The following RERE variants were observed in gnomAD, a reference collection of about 807,000 sequenced individuals.
The protein encoded by RERE is arginine-glutamic acid dipeptide repeats, also known as arginine-glutamic acid dipeptide repeats protein.
A neutral mutation model predicts 146.1 loss-of-function variants in RERE; 40 were observed. That is an observed-to-expected ratio of 0.27 (90% CI 0.21 to 0.36). The LOEUF (loss-of-function observed/expected upper bound fraction) is 0.36. Ranked by LOEUF, RERE falls within the 10% of genes least tolerant of loss-of-function variation. The probability of loss-of-function intolerance (pLI) is 1.00; values close to 1 mark genes in which losing one functional copy is unlikely to be tolerated. For synonymous variants in RERE, 1,003 were observed against 866.0 expected (o/e 1.16, Z -2.78); for missense variants, 1,933 against 2,138.7 (o/e 0.90, Z 1.90).
chr1:8,484,999 C>T (rs1401598536), intron 10 of RERE, among the ~76,000 whole-genome samples: 1 of 152,156 alleles, frequency 6.6e-6, no homozygotes, highest in Non-Finnish European at 1.5e-5. Context: ...CCAAAAGTAG[C>T]AAGTCATGTG....
intron 10 of RERE, among the ~76,000 whole-genome samples, chr1:8,487,102 GAACA>G (rs1266495415): frequency 1.3e-5 from 2 of 152,040 alleles, no homozygotes; most frequent in Non-Finnish European, 2.9e-5. Context: ...TTCATCCTAG[GAACA>G]AACAGTTCCT....
chr1:8,774,475 T>A (rs1165274107), intron 1 of RERE, among the ~76,000 whole-genome samples: 1 of 147,998 alleles, frequency 6.8e-6, no homozygotes, highest in Non-Finnish European at 1.5e-5. Flanking sequence ...TGCCTCAGCC[T>A]CCCTAGTAGC....
chr1:8,800,875 G>A (rs916894372), intron 1 of RERE, among the ~76,000 whole-genome samples: 6 of 152,170 alleles, frequency 3.9e-5, no homozygotes, highest in African/African-American at 1.4e-4. Context: ...TGAGGCAGGA[G>A]AACCACTTGA....
intron 10 of RERE, among the ~76,000 whole-genome samples, chr1:8,485,860 G>A (rs1395392395): frequency 2.0e-5 from 3 of 148,714 alleles, no homozygotes; most frequent in Non-Finnish European, 3.0e-5. Flanking sequence ...GTGCAGTGGC[G>A]CGATCTTGGC....
rs779964567 is a variant in RERE at position 8,358,160 on chromosome 1, G to A, written c.4339+36C>T. On this transcript the variant is annotated intron_variant, in intron 20 of 22. Coordinates refer to ENST00000400908, the MANE Select transcript of RERE (RefSeq NM_001042681.2). Reference sequence around the variant, plus strand: ...CTCATCAGGCTCTGCACCCCTCCCCGTGCCTCTGTCCCACCTGCCACGCTG... The same window carrying A: ...CTCATCAGGCTCTGCACCCCTCCCCATGCCTCTGTCCCACCTGCCACGCTG... 7.1e-6 allele frequency: 11 copies of A among 1,556,894 alleles called. No individual in the cohort carries two copies. In the Admixed American group the frequency reaches 8.7e-5, roughly 12 times the overall value.
At chr1:8,782,226 G>A (rs1273165314) in intron 1 of RERE, among the ~76,000 whole-genome samples, 1 of 151,992 alleles carries the variant, frequency 6.6e-6, no homozygotes, top group Non-Finnish European at 1.5e-5. Context: ...CTGATTTTTA[G>A]CAGATTTTTG....
At chr1:8,460,229 G>C (rs1644509137) in intron 11 of RERE, among the ~76,000 whole-genome samples, 1 of 152,114 alleles carries the variant, frequency 6.6e-6, no homozygotes, top group African/African-American at 2.4e-5. Context: ...AGCTTGAAAA[G>C]AGTGAACAAT....
chr1:8,802,673 G>GT (rs1180308756), intron 1 of RERE, among the ~76,000 whole-genome samples: 2 of 152,132 alleles, frequency 1.3e-5, no homozygotes, highest in African/African-American at 4.8e-5. Context: ...GTACTCAGTT[G>GT]TGTACATGTC....
At chr1:8,494,752 G>T (rs1024294947) in intron 10 of RERE, among the ~76,000 whole-genome samples, 2 of 152,220 alleles carry the variant, frequency 1.3e-5, no homozygotes, top group African/African-American at 2.4e-5. Flanking sequence ...CCTAGAGGTG[G>T]TTGTGAGGAT....
rs759024458 is a variant in RERE, at chr1:8,360,280, G to A, written c.3227C>T (p.Ser1076Leu). ...CGACCCCCCCGCTATGCTGCCTCCT[G>A]AAGCCGCCGCACCAGAGCAGGGTGG... is the stretch of plus-strand genomic sequence containing the variant. ...AQPPCSGAAA[S>L]GGSIAGGSSC... The change falls in exon 18 of 23, where the codon TCA (serine) becomes TTA (leucine). Residue 1076 changes from serine (S) to leucine (L), a missense_variant. Physicochemically the swap from Ser to Leu is moderately radical, Grantham distance 145. Transcript: ENST00000400908. 2.0e-5 allele frequency: 32 copies of A among 1,562,810 alleles called. No homozygotes were observed. The East Asian group carries it at 5.2e-4, about 25-fold the overall frequency.
chr1:8,692,753 T>G (rs1381709676), intron 1 of RERE, among the ~76,000 whole-genome samples: 1 of 152,224 alleles, frequency 6.6e-6, no homozygotes. Context: ...TGCCCCACAG[T>G]TGATTAAATC....
intron 12 of RERE, among the ~76,000 whole-genome samples, chr1:8,394,093 C>A (rs1642972691): frequency 6.6e-6 from 1 of 152,168 alleles, no homozygotes; most frequent in Admixed American, 6.5e-5. Flanking sequence ...GGATGGTGAC[C>A]TATACTTTGG....
intron 12 of RERE, among the ~76,000 whole-genome samples, chr1:8,416,311 C>A (rs75534994): frequency 1.3e-5 from 2 of 152,076 alleles, no homozygotes; most frequent in African/African-American, 4.8e-5. Context: ...CACGGTCAGG[C>A]GCGGTGGCTC....
At chr1:8,694,136 G>A (rs1224093185) in intron 1 of RERE, among the ~76,000 whole-genome samples, 1 of 151,446 alleles carries the variant, frequency 6.6e-6, no homozygotes, top group Non-Finnish European at 1.5e-5. Flanking sequence ...AGAGCAATCA[G>A]GCAACAGAAA....
At chr1:8,458,605 G>A (rs754406793) in intron 11 of RERE, among the ~76,000 whole-genome samples, 16 of 148,722 alleles carry the variant, frequency 1.1e-4, no homozygotes, top group Non-Finnish European at 1.9e-4. Flanking sequence ...ACACACACAC[G>A]GCCCTAAAGA....
At chr1:8,537,832 C>T (rs974258368) in intron 7 of RERE, among the ~76,000 whole-genome samples, 1 of 151,794 alleles carries the variant, frequency 6.6e-6, no homozygotes, top group Non-Finnish European at 1.5e-5. Flanking sequence ...TGACAAGATA[C>T]AACATTCAGA....
chr1:8,621,632 GATT>G (rs902578216), intron 3 of RERE, among the ~76,000 whole-genome samples: 2 of 152,110 alleles, frequency 1.3e-5, no homozygotes, highest in African/African-American at 4.8e-5. Context: ...TTTATTTTAT[GATT>G]ATTAAAAAGA....
At chr1:8,814,047 G>A (rs1641865021) in intron 1 of RERE, among the ~76,000 whole-genome samples, 1 of 152,110 alleles carries the variant, frequency 6.6e-6, no homozygotes, top group African/African-American at 2.4e-5. Flanking sequence ...GTTTCCTTGT[G>A]ACAAAACACT....
intron 1 of RERE, among the ~76,000 whole-genome samples, chr1:8,783,661 T>TA (rs953040761): frequency 6.6e-6 from 1 of 152,198 alleles, no homozygotes; most frequent in African/African-American, 2.4e-5. Context: ...TTAAATTTTT[T>TA]AAAAAAAGAA....
Sources: allele counts gnomAD v4.1 joint callset (sites outside exome capture counted in the v4.1 genomes callset), GRCh38; gene constraint gnomAD v4.1.1; transcripts MANE v1.5; gene names NCBI Gene and HGNC (gene_info 2026-07-23, HGNC 2026-07-21).